The following DSCAM variants were observed in gnomAD, a reference collection of about 807,000 sequenced individuals.
The protein encoded by DSCAM is cell adhesion molecule DSCAM.
In DSCAM, 47 loss-of-function variants were observed where a neutral mutation model predicts 217.7. That is an observed-to-expected ratio of 0.22 (90% confidence interval 0.17 to 0.28). DSCAM has a LOEUF of 0.28. Ranked by LOEUF, DSCAM falls within the 10% of genes least tolerant of loss-of-function variation. DSCAM has a pLI of 1.00. For synonymous variants in DSCAM, 1,056 were observed against 1,015.3 expected (o/e 1.04, Z -0.76); for missense variants, 2,080 against 2,618.3 (o/e 0.79, Z 4.49).
At chr21:40,704,866 AG>A (rs1250447442) in intron 2 of DSCAM, among the ~76,000 whole-genome samples, 3 of 152,236 alleles carry the variant, frequency 2.0e-5, no homozygotes, top group African/African-American at 7.2e-5. Context: ...GAGGGTTTAT[AG>A]CCAATGAACA....
rs1322582129 is a variant in DSCAM at position 40,761,068 on chromosome 21, A to G, written c.44-52297T>C. ...ATTTCTACCCTCACCTAACCAGGCA[A>G]TTCCTTATGGAAAGAGTCAGTCTGG... On this transcript the variant is annotated intron_variant, in intron 1 of 32. Transcript: ENST00000400454. Among the ~76,000 whole-genome samples, 4 of 152,176 alleles carry G rather than the reference A, an allele frequency of 2.6e-5. No individual in the cohort carries two copies. In the East Asian group the frequency reaches 7.7e-4, roughly 29 times the overall value.
chr21:40,312,115 G>A lies in DSCAM; in HGVS notation c.2028C>T (p.Ala676=), dbSNP rs185012705. ...NYTCIARNEA[A]AVEHQSQLIV... Reference sequence around the variant, plus strand: ...TCAACTGGCTTTGGTGCTCCACAGCGGCGGCCTCATTCCGGGCTATGCAGG... The same window carrying A: ...TCAACTGGCTTTGGTGCTCCACAGCAGCGGCCTCATTCCGGGCTATGCAGG... Residue 676 remains alanine, a synonymous_variant, in exon 9 of 33, where the codon GCC becomes GCT. Transcript: ENST00000400454. 65 of 1,613,910 alleles carry A rather than the reference G, an allele frequency of 4.0e-5. No individual in the cohort carries two copies. In the African/African-American group the frequency reaches 4.1e-4, roughly 10 times the overall value.
chr21:40,546,041 A>G (rs1353904912), intron 3 of DSCAM, among the ~76,000 whole-genome samples: 5 of 152,194 alleles, frequency 3.3e-5, no homozygotes, highest in Non-Finnish European at 7.3e-5. Flanking sequence ...AAATGATGTG[A>G]TCTGGTACCA....
At chr21:40,497,949 T>G (rs1389483752) in intron 3 of DSCAM, among the ~76,000 whole-genome samples, 4 of 152,214 alleles carry the variant, frequency 2.6e-5, no homozygotes, top group Admixed American at 6.5e-5. Context: ...TTATGAAATA[T>G]GAAGTACTGG....
At chr21:40,124,131 T>C (rs2090067693) in intron 20 of DSCAM, 64 bp downstream of exon 20, 1 of 1,606,342 alleles carries the variant, frequency 6.2e-7, no homozygotes, top group Non-Finnish European at 8.5e-7. Context: ...AACTGTCCAG[T>C]GCGAGCACCT....
chr21:40,757,013 ATTTTAT>A (rs1004339574), intron 1 of DSCAM, among the ~76,000 whole-genome samples: 7 of 150,290 alleles, frequency 4.7e-5, no homozygotes, highest in South Asian at 2.1e-4. Context: ...ATGTGTGTGT[ATTTTAT>A]TTTTATTTTT....
intron 4 of DSCAM, among the ~76,000 whole-genome samples, chr21:40,367,587 C>T (rs2074847018): frequency 6.6e-6 from 1 of 152,120 alleles, no homozygotes; most frequent in South Asian, 2.1e-4. Context: ...TAACAAATTT[C>T]TTCCTCAACT....
At position 40,096,001 on chromosome 21, in the gene DSCAM, G is replaced by C. The variant is rs558519391; in HGVS notation, c.3697-2127C>G. Reference sequence around the variant, plus strand: ...ATTAGTGAACTTAAAGGTGTGGAAGGAAAATAAATATTGGGGCCCCCAAAT... The same window carrying C: ...ATTAGTGAACTTAAAGGTGTGGAAGCAAAATAAATATTGGGGCCCCCAAAT... On this transcript the variant is annotated intron_variant, in intron 20 of 32. Coordinates refer to ENST00000400454, the MANE Select transcript of DSCAM (RefSeq NM_001389.5). Among the ~76,000 whole-genome samples, 13 of 152,278 alleles carry C rather than the reference G, an allele frequency of 8.5e-5. No individual in the cohort carries two copies. In the South Asian group the frequency reaches 2.5e-3, roughly 29 times the overall value.
intron 9 of DSCAM, 27 bp downstream of exon 9, chr21:40,312,054 C>G: frequency 6.3e-7 from 1 of 1,593,060 alleles, no homozygotes; most frequent in Non-Finnish European, 8.6e-7. Flanking sequence ...TCTACAGATG[C>G]CACATGGCTC....
intron 3 of DSCAM, among the ~76,000 whole-genome samples, chr21:40,493,817 C>G (rs532228522): frequency 6.8e-6 from 1 of 146,914 alleles, no homozygotes; most frequent in Non-Finnish European, 1.5e-5. Flanking sequence ...GAGTCAAGAT[C>G]GTGCCATTGC....
At chr21:40,087,862 AG>A (rs1378646768) in intron 21 of DSCAM, among the ~76,000 whole-genome samples, 1 of 152,222 alleles carries the variant, frequency 6.6e-6, no homozygotes, top group Non-Finnish European at 1.5e-5. Flanking sequence ...ATGCCCAAAC[AG>A]GAGCATCTGC....
At chr21:40,026,247 T>C (rs1273833653) in intron 32 of DSCAM, among the ~76,000 whole-genome samples, 1 of 141,354 alleles carries the variant, frequency 7.1e-6, no homozygotes, top group Admixed American at 7.2e-5. Context: ...CAGTTTGTTA[T>C]AATTTCTGTT....
intron 11 of DSCAM, among the ~76,000 whole-genome samples, chr21:40,262,625 C>T (rs1320794074): frequency 6.6e-6 from 1 of 152,194 alleles, no homozygotes; most frequent in African/African-American, 2.4e-5. Flanking sequence ...ATAATACGTC[C>T]TTCCCAACAC....
chr21:40,697,087 G>T (rs557202485), intron 2 of DSCAM, among the ~76,000 whole-genome samples: 112 of 152,154 alleles, frequency 7.4e-4, no homozygotes, highest in Non-Finnish European at 1.4e-3. Flanking sequence ...CCCAGCCTCT[G>T]GTATCCACCA....
chr21:40,710,323 G>C (rs1191566242), intron 1 of DSCAM, among the ~76,000 whole-genome samples: 1 of 152,114 alleles, frequency 6.6e-6, no homozygotes, highest in Non-Finnish European at 1.5e-5. Context: ...ACAAAAGCAT[G>C]ACTCAACTCC....
At chr21:40,064,047 T>C (rs1736848956) in intron 27 of DSCAM, among the ~76,000 whole-genome samples, 1 of 152,170 alleles carries the variant, frequency 6.6e-6, no homozygotes, top group Non-Finnish European at 1.5e-5. Flanking sequence ...CATGTCTTTA[T>C]ATTTATCTGC....
At chr21:40,317,815 G>A (rs183481199) in intron 8 of DSCAM, among the ~76,000 whole-genome samples, 26 of 152,246 alleles carry the variant, frequency 1.7e-4, no homozygotes, top group African/African-American at 5.3e-4. Flanking sequence ...TTATAGGCGT[G>A]AGCCACCGAG....
chr21:40,221,501 T>C (rs886150433), intron 11 of DSCAM, among the ~76,000 whole-genome samples: 1 of 149,414 alleles, frequency 6.7e-6, no homozygotes, highest in African/African-American at 2.4e-5. Flanking sequence ...ATATATAATA[T>C]ACATATAAAT....
chr21:40,668,313 C>G (rs1183991504), intron 3 of DSCAM, among the ~76,000 whole-genome samples: 2 of 152,226 alleles, frequency 1.3e-5, no homozygotes, highest in Non-Finnish European at 2.9e-5. Flanking sequence ...GATTCAGTTA[C>G]ACACAATGAC....
Sources: gnomAD v4.1 joint callset for allele counts (sites outside exome capture counted in the v4.1 genomes callset) on GRCh38, gnomAD v4.1.1 for gene constraint, MANE v1.5 for transcripts, NCBI Gene and HGNC (gene_info 2026-07-23, HGNC 2026-07-21) for gene names.